The following TMEM132B variants were observed in gnomAD, a reference collection of about 807,000 sequenced individuals.
TMEM132B encodes transmembrane protein 132B.
Under a neutral mutation model 90.8 loss-of-function variants are expected in TMEM132B, and 18 were observed. The observed-to-expected ratio is 0.20, with a 90% CI of 0.14 to 0.29. The LOEUF (loss-of-function observed/expected upper bound fraction) is 0.29, where lower values mean the gene tolerates loss of function less well. TMEM132B is among the 10% of genes least tolerant of loss of function. The probability of loss-of-function intolerance (pLI) is 1.00; values close to 1 mark genes in which losing one functional copy is unlikely to be tolerated. For synonymous variants in TMEM132B, 504 were observed against 523.3 expected (o/e 0.96, Z 0.50); for missense variants, 1,096 against 1,326.8 (o/e 0.83, Z 2.70).
chr12:125,433,217 A>C (rs1880594318), intron 3 of TMEM132B, among the ~76,000 whole-genome samples: 1 of 152,210 alleles, frequency 6.6e-6, no homozygotes, highest in South Asian at 2.1e-4. Context: ...GGCCACAGAG[A>C]TCACCATATC....
intron 2 of TMEM132B, among the ~76,000 whole-genome samples, chr12:125,381,519 A>G (rs1878681666): frequency 6.6e-6 from 1 of 152,202 alleles, no homozygotes; most frequent in Non-Finnish European, 1.5e-5. Context: ...TTGAAGGTTG[A>G]TCTGGGTCAG....
intron 4 of TMEM132B, among the ~76,000 whole-genome samples, chr12:125,555,249 A>G (rs1049985519): frequency 3.9e-5 from 6 of 152,140 alleles, no homozygotes; most frequent in Non-Finnish European, 5.9e-5. Flanking sequence ...ACCTTGCAAA[A>G]TGAGGGCTGC....
chr12:125,476,529 C>T (rs553929532), intron 3 of TMEM132B, among the ~76,000 whole-genome samples: 2 of 152,188 alleles, frequency 1.3e-5, no homozygotes, highest in Admixed American at 1.3e-4. Flanking sequence ...TTTGTTTATC[C>T]ATTACTGTAT....
intron 4 of TMEM132B, among the ~76,000 whole-genome samples, chr12:125,576,001 T>C (rs191737994): frequency 9.7e-4 from 147 of 152,198 alleles, no homozygotes; most frequent in Middle Eastern, 3.4e-3. Flanking sequence ...CTAGCTTGTG[T>C]ACTTCTGGAA....
At chr12:125,365,387 A>G (rs1424532250) in intron 2 of TMEM132B, among the ~76,000 whole-genome samples, 1 of 152,100 alleles carries the variant, frequency 6.6e-6, no homozygotes, top group Non-Finnish European at 1.5e-5. Context: ...AAAACCCTCG[A>G]AGAGAATATT....
chr12:125,346,295 G>A (rs1229951908), intron 1 of TMEM132B, among the ~76,000 whole-genome samples: 1 of 152,160 alleles, frequency 6.6e-6, no homozygotes, highest in Non-Finnish European at 1.5e-5. Flanking sequence ...TGAAAACAGA[G>A]CATATTAAAG....
At chr12:125,517,327 ATTTTTTTTTTTTTTTTTTTTTTTTTT>A (rs56147854) in intron 3 of TMEM132B, among the ~76,000 whole-genome samples, 2 of 28,424 alleles carry the variant, frequency 7.0e-5, no homozygotes, top group Non-Finnish European at 1.5e-4. Context: ...TGCCCTGCTG[ATTTTTTTTTTTTTTTTTTTTTTTTTT>A]TTTTTTTTTT....
chr12:125,208,935 G>A (rs10773148), intron 1 of TMEM132B, among the ~76,000 whole-genome samples: 102,228 of 152,074 alleles, frequency 0.67, 34,439 homozygotes, highest in Non-Finnish European at 0.69. Context: ...GGTGCAGAGG[G>A]TGCTCAGGCC....
chr12:125,634,249 G>T (rs1886430093), intron 5 of TMEM132B, among the ~76,000 whole-genome samples: 1 of 152,150 alleles, frequency 6.6e-6, no homozygotes, highest in Non-Finnish European at 1.5e-5. Flanking sequence ...TACTGCCAAT[G>T]TTCCCTTAAG....
chr12:125,243,873 T>A (rs1370254177), intron 1 of TMEM132B, among the ~76,000 whole-genome samples: 1 of 152,180 alleles, frequency 6.6e-6, no homozygotes, highest in Non-Finnish European at 1.5e-5. Flanking sequence ...AGCATTTGCC[T>A]CACCCTGAAT....
chr12:125,605,628 TGTAA>T (rs1885676319), intron 5 of TMEM132B, among the ~76,000 whole-genome samples: 1 of 152,346 alleles, frequency 6.6e-6, no homozygotes, highest in East Asian at 1.9e-4. Context: ...GTCTGTACTC[TGTAA>T]GTAGAGTCAT....
At chr12:125,592,530 G>T (rs749830376) in intron 5 of TMEM132B, among the ~76,000 whole-genome samples, 1 of 152,164 alleles carries the variant, frequency 6.6e-6, no homozygotes, top group Admixed American at 6.5e-5. Context: ...TAAGGCAGTG[G>T]ATGTCAGAAA....
Position 125,443,174 on chromosome 12 carries a change from A to G in TMEM132B, c.1106+27497A>G, listed in dbSNP as rs150358658. On this transcript the variant is annotated intron_variant, in intron 3 of 8. Transcript: ENST00000682704. The stretch of plus-strand genomic sequence containing the variant: ...TGGGGTGCTGCTATTTTTCTTCTCA[A>G]TTGTAGAAAGTGGCCTTCTGTTGGC... Among the ~76,000 whole-genome samples, 419 of 152,244 alleles carry G rather than the reference A, an allele frequency of 2.8e-3. 1 individual carries two copies. The highest frequency in any genetic ancestry group is 8.5e-3 in the South Asian group (41 of 4,820).
Position 125,511,725 on chromosome 12 carries a change from G to A in TMEM132B, c.1107-7714G>A, listed in dbSNP as rs888216181. Among the ~76,000 whole-genome samples the A allele has an allele frequency of 2.9e-3, 435 of 151,758 alleles. 5 individuals are homozygous for A. The highest frequency in any genetic ancestry group is 2.7e-3 in the Non-Finnish European group (182 of 67,936). On this transcript the variant is annotated intron_variant, in intron 3 of 8. Transcript: ENST00000682704. ...AAATTAGCCGGGTGTGGTGGCGGGC[G>A]CCTGTAGTCCCAGCTACTTGGGAGG...
intron 5 of TMEM132B, among the ~76,000 whole-genome samples, chr12:125,596,704 C>T (rs1355179113): frequency 1.3e-5 from 2 of 152,204 alleles, no homozygotes; most frequent in African/African-American, 4.8e-5. Flanking sequence ...ATGCCCTGAA[C>T]TACTGAACAC....
intron 1 of TMEM132B, among the ~76,000 whole-genome samples, chr12:125,188,174 A>AT (rs1957770709): frequency 6.6e-6 from 1 of 152,156 alleles, no homozygotes; most frequent in South Asian, 2.1e-4. Context: ...AAAACCTTCT[A>AT]TTGGAGATCT....
Position 125,412,063 on chromosome 12 carries a change from C to T in TMEM132B, c.960-3468C>T, listed in dbSNP as rs183811656. Among the ~76,000 whole-genome samples, 4 of 152,292 alleles carry T rather than the reference C, an allele frequency of 2.6e-5. No individual in the cohort carries two copies. In the East Asian group the frequency reaches 7.7e-4, roughly 29 times the overall value. On this transcript the variant is annotated intron_variant, in intron 2 of 8. Transcript: ENST00000682704. ...GCTCTATGGAAGATTTGGACTGTCT[C>T]CCCGCACTGGACCCTCTGCTTCTCA...
intron 4 of TMEM132B, among the ~76,000 whole-genome samples, chr12:125,542,025 CAAAAAAAAAAA>C (rs71306285): frequency 1.8e-3 from 43 of 23,312 alleles, no homozygotes; most frequent in African/African-American, 1.5e-3. Context: ...ACCCCCGTCT[CAAAAAAAAAAA>C]AAAAAAAAAA....
intron 5 of TMEM132B, among the ~76,000 whole-genome samples, chr12:125,625,657 A>G (rs773754700): frequency 6.6e-6 from 1 of 152,236 alleles, no homozygotes; most frequent in Admixed American, 6.5e-5. Flanking sequence ...ACGTGTTCTC[A>G]GTTCACCTAG....
Sources: allele counts gnomAD v4.1 joint callset (sites outside exome capture counted in the v4.1 genomes callset), GRCh38; gene constraint gnomAD v4.1.1; transcripts MANE v1.5; gene names NCBI Gene and HGNC (gene_info 2026-07-23, HGNC 2026-07-21).